Variants in DNER observed in about 807,000 individuals in gnomAD.
DNER encodes delta/notch like EGF repeat containing, also known as delta and Notch-like epidermal growth factor-related receptor.
DNER carries 33 observed loss-of-function variants against 78.2 expected under a neutral mutation model. That is an observed-to-expected ratio of 0.42 (90% CI 0.32 to 0.56). DNER has a LOEUF of 0.56. Among genes scored for constraint, DNER ranks in the 20% least tolerant of loss-of-function variants. The pLI is 0.11. For missense variants in DNER, 918 were observed against 975.3 expected (o/e 0.94, Z 0.78); for synonymous variants, 417 against 384.8 (o/e 1.08, Z -0.98).
At chr2:229,693,518 TC>T (rs1219809258) in intron 1 of DNER, among the ~76,000 whole-genome samples, 3 of 151,990 alleles carry the variant, frequency 2.0e-5, no homozygotes, top group African/African-American at 7.3e-5. Flanking sequence ...AGTTTGGAAC[TC>T]CCTAGGGACT....
chr2:229,589,930 T>C (rs2154214585), intron 2 of DNER, among the ~76,000 whole-genome samples: 1 of 146,222 alleles, frequency 6.8e-6, no homozygotes, highest in East Asian at 2.0e-4. Flanking sequence ...AAAAAGTGGG[T>C]CAACTGGTGA....
At chr2:229,458,640 T>C (rs572626057) in intron 7 of DNER, among the ~76,000 whole-genome samples, 67 of 123,014 alleles carry the variant, frequency 5.4e-4, no homozygotes, top group Non-Finnish European at 7.8e-4. Context: ...TTAGGGTATA[T>C]ACAAAAAAAA....
intron 6 of DNER, among the ~76,000 whole-genome samples, chr2:229,485,241 G>A (rs562232181): frequency 1.0e-3 from 154 of 152,270 alleles, no homozygotes; most frequent in Middle Eastern, 6.8e-3. Flanking sequence ...CTCAGGCTTC[G>A]TGCTTTTAAA....
chr2:229,506,680 C>G (rs2154212134), intron 6 of DNER, among the ~76,000 whole-genome samples: 1 of 148,524 alleles, frequency 6.7e-6, no homozygotes, highest in African/African-American at 2.5e-5. Flanking sequence ...TCCCCCTACC[C>G]CACCACAGGC....
chr2:229,707,977 A>G (rs1699855062), intron 1 of DNER, among the ~76,000 whole-genome samples: 1 of 152,238 alleles, frequency 6.6e-6, no homozygotes, highest in Non-Finnish European at 1.5e-5. Context: ...CACAGATGAT[A>G]AAACCAAGCC....
At chr2:229,366,225 T>C (rs1376523130) in intron 12 of DNER, among the ~76,000 whole-genome samples, 1 of 152,174 alleles carries the variant, frequency 6.6e-6, no homozygotes. Flanking sequence ...AATATGACTG[T>C]CATGACTCTC....
chr2:229,512,252 G>A (rs751044291), intron 6 of DNER, among the ~76,000 whole-genome samples: 22 of 151,842 alleles, frequency 1.4e-4, no homozygotes, highest in African/African-American at 3.1e-4. Context: ...GTGTGGGGGC[G>A]CATGCCTGTA....
intron 8 of DNER, among the ~76,000 whole-genome samples, chr2:229,422,162 G>A (rs1475745046): frequency 6.6e-6 from 1 of 152,118 alleles, no homozygotes; most frequent in African/African-American, 2.4e-5. Flanking sequence ...TATACTCAGT[G>A]CCAAGCAGCC....
At chr2:229,686,146 C>T (rs541265257) in intron 1 of DNER, among the ~76,000 whole-genome samples, 24 of 152,246 alleles carry the variant, frequency 1.6e-4, no homozygotes, top group African/African-American at 5.5e-4. Context: ...TATTTTCATA[C>T]TTTGCCAGGG....
rs1463648066 is a variant in DNER at position 229,586,539 on chromosome 2, A to C, written c.681-515T>G. Among the ~76,000 whole-genome samples the C allele has an allele frequency of 2.2e-3, 179 of 82,960 alleles. 8 individuals are homozygous for C. Among genetic ancestry groups the C allele is most frequent in the African/African-American group, 5.8e-3 (98 of 16,928 alleles). The allele number at this position is 82,960 out of a possible 152,430, so 54.4% of individuals were successfully genotyped here. A position where few individuals can be genotyped will look rare whatever the true frequency, so the allele number is the denominator to read the frequency against. On this transcript the variant is annotated intron_variant, in intron 3 of 12. Coordinates refer to ENST00000341772, the MANE Select transcript of DNER (RefSeq NM_139072.4). ...AAAAAAAAAAAAAAAAAAAAAAAAA[A>C]AAAAAAAAAAACACACAAAACCACC... is the stretch of plus-strand genomic sequence containing the variant.
intron 4 of DNER, among the ~76,000 whole-genome samples, chr2:229,563,761 T>C (rs1697026972): frequency 7.9e-6 from 1 of 126,996 alleles, no homozygotes; most frequent in Non-Finnish European, 1.6e-5. Flanking sequence ...ATCATCCTCC[T>C]CACCCCATCT....
chr2:229,642,415 G>A (rs1698641582), intron 1 of DNER, among the ~76,000 whole-genome samples: 2 of 152,174 alleles, frequency 1.3e-5, no homozygotes, highest in Admixed American at 1.3e-4. Context: ...ACAGACGCCC[G>A]CTGAAAATAC....
chr2:229,662,671 C>T (rs1457900727), intron 1 of DNER, among the ~76,000 whole-genome samples: 1 of 152,098 alleles, frequency 6.6e-6, no homozygotes, highest in Non-Finnish European at 1.5e-5. Context: ...CCTCCTGAAA[C>T]CAGAGATAAA....
Position 229,646,342 on chromosome 2 carries a change from G to A in DNER, c.277-54454C>T, listed in dbSNP as rs367897546. The stretch of plus-strand genomic sequence containing the variant: ...AATCGCCAAAAAACGATTTGGAAAA[G>A]CATTGTAAACACAGATGGCTTGCAA... On this transcript the variant is annotated intron_variant, in intron 1 of 12. Transcript: ENST00000341772. 8.5e-5 allele frequency among the ~76,000 whole-genome samples: 13 copies of A among 152,320 alleles called. No homozygotes were observed. In the East Asian group the frequency reaches 2.3e-3, roughly 27 times the overall value.
At position 229,489,504 on chromosome 2, in the gene DNER, G is replaced by A. The variant is rs186717830; in HGVS notation, c.1148-12251C>T. Among the ~76,000 whole-genome samples, 90 of 151,536 alleles carry A rather than the reference G, an allele frequency of 5.9e-4. 1 individual carries two copies. The South Asian group carries it at 0.017, about 29-fold the overall frequency. On this transcript the variant is annotated intron_variant, in intron 6 of 12. Coordinates refer to ENST00000341772, the MANE Select transcript of DNER (RefSeq NM_139072.4). ...ACATGACTGGGTGGGTGTGGGGGGC[G>A]CGGACAGAGGGAAGGAAGGTGGTGA...
chr2:229,620,300 A>G (rs547818421), intron 1 of DNER, among the ~76,000 whole-genome samples: 3 of 152,230 alleles, frequency 2.0e-5, no homozygotes, highest in Non-Finnish European at 4.4e-5. Context: ...GCTGAGCAAA[A>G]CCAGATATCA....
intron 10 of DNER, among the ~76,000 whole-genome samples, chr2:229,391,523 T>G (rs951087871): frequency 6.6e-6 from 1 of 152,118 alleles, no homozygotes; most frequent in Non-Finnish European, 1.5e-5. Flanking sequence ...GAACTTTAAA[T>G]CTTTTATAAT....
chr2:229,426,746 G>T (rs965501235), intron 8 of DNER, among the ~76,000 whole-genome samples: 4 of 152,076 alleles, frequency 2.6e-5, no homozygotes, highest in African/African-American at 7.2e-5. Flanking sequence ...CAAGCATCTG[G>T]GCTCACATTA....
chr2:229,393,049 A>C (rs1034165798), intron 10 of DNER, among the ~76,000 whole-genome samples: 3 of 152,218 alleles, frequency 2.0e-5, no homozygotes, highest in Non-Finnish European at 4.4e-5. Flanking sequence ...ATAAAAAACA[A>C]TGAACAGAAA....
Sources: gnomAD v4.1 joint callset for allele counts (sites outside exome capture counted in the v4.1 genomes callset) on GRCh38, gnomAD v4.1.1 for gene constraint, MANE v1.5 for transcripts, NCBI Gene and HGNC (gene_info 2026-07-23, HGNC 2026-07-21) for gene names.